Variants in TRAPPC9 observed in about 807,000 individuals in gnomAD.
The protein encoded by TRAPPC9 is IKK2 binding protein.
TRAPPC9 carries 83 observed loss-of-function variants against 124.0 expected under a neutral mutation model. The ratio of observed to expected loss-of-function variants is 0.67; its 90% CI spans 0.56 to 0.80. The LOEUF is 0.80. Among genes scored for constraint, TRAPPC9 ranks in the 30% least tolerant of loss-of-function variants. TRAPPC9 has a pLI of 0.00. For missense variants in TRAPPC9, 1,302 were observed against 1,508.3 expected (o/e 0.86, Z 2.27); for synonymous variants, 638 against 617.5 (o/e 1.03, Z -0.49).
chr8:140,165,820 C>G (rs2130914969), intron 17 of TRAPPC9, among the ~76,000 whole-genome samples: 1 of 152,254 alleles, frequency 6.6e-6, no homozygotes, highest in African/African-American at 2.4e-5. Flanking sequence ...CCACTCTATC[C>G]TGGTGCCTCT....
chr8:139,913,024 C>A (rs2131292057), intron 19 of TRAPPC9, among the ~76,000 whole-genome samples: 1 of 152,356 alleles, frequency 6.6e-6, no homozygotes, highest in African/African-American at 2.4e-5. Context: ...GTACCAGGTT[C>A]TCTTCCTGTT....
At chr8:140,288,081 C>G (rs2065542390) in intron 12 of TRAPPC9, among the ~76,000 whole-genome samples, 1 of 152,140 alleles carries the variant, frequency 6.6e-6, no homozygotes, top group African/African-American at 2.4e-5. Context: ...TGGCTCACAC[C>G]TGTAATCCCA....
chr8:139,760,433 A>G (rs543834073), intron 21 of TRAPPC9, among the ~76,000 whole-genome samples: 1 of 152,268 alleles, frequency 6.6e-6, no homozygotes, highest in South Asian at 2.1e-4. Flanking sequence ...GCACGCTCAG[A>G]ACATCATCCA....
At chr8:140,093,719 G>A (rs192762187) in intron 17 of TRAPPC9, among the ~76,000 whole-genome samples, 49 of 151,946 alleles carry the variant, frequency 3.2e-4, no homozygotes, top group African/African-American at 1.1e-3. Context: ...GTTTAAAGCT[G>A]GATAGAATTT....
intron 7 of TRAPPC9, among the ~76,000 whole-genome samples, chr8:140,389,082 C>G (rs1447237204): frequency 6.6e-6 from 1 of 151,082 alleles, no homozygotes; most frequent in Non-Finnish European, 1.5e-5. Flanking sequence ...CTCAGCCTCC[C>G]AAGTAGCTGG....
intron 1 of TRAPPC9, among the ~76,000 whole-genome samples, chr8:140,454,656 A>AC (rs1403344931): frequency 1.3e-5 from 2 of 148,820 alleles, no homozygotes; most frequent in Non-Finnish European, 3.0e-5. Flanking sequence ...AAAAAAAAAA[A>AC]AAAACACAAC....
chr8:140,443,131 C>CAAAAAAAAAAAA (rs1177286944), intron 2 of TRAPPC9, among the ~76,000 whole-genome samples: 2 of 43,990 alleles, frequency 4.5e-5, no homozygotes, highest in South Asian at 6.3e-4. Context: ...GACTCCATCT[C>CAAAAAAAAAAAA]AAAAAAAAAA....
chr8:140,456,973 T>C, intron 1 of TRAPPC9: 1 of 258,768 alleles, frequency 3.9e-6, no homozygotes, highest in Non-Finnish European at 6.0e-6. Flanking sequence ...CACAGGCCAG[T>C]AGCCTGACTT....
At chr8:139,917,094 G>C (rs2131314692) in intron 19 of TRAPPC9, among the ~76,000 whole-genome samples, 1 of 150,730 alleles carries the variant, frequency 6.6e-6, no homozygotes, top group African/African-American at 2.4e-5. Flanking sequence ...CGCCCTGAGA[G>C]AGGATCATTT....
At chr8:140,442,573 G>T (rs2071058262) in intron 2 of TRAPPC9, among the ~76,000 whole-genome samples, 1 of 149,068 alleles carries the variant, frequency 6.7e-6, no homozygotes, top group South Asian at 2.1e-4. Context: ...ACTCCAACCT[G>T]GTCGACAGAG....
chr8:140,429,913 G>A (rs914006534), intron 4 of TRAPPC9, among the ~76,000 whole-genome samples: 16 of 152,164 alleles, frequency 1.1e-4, no homozygotes, highest in South Asian at 2.1e-4. Flanking sequence ...TTGGGAGGCC[G>A]AGGTGGGCAG....
At chr8:140,037,779 A>C (rs1840996618) in intron 17 of TRAPPC9, among the ~76,000 whole-genome samples, 1 of 147,532 alleles carries the variant, frequency 6.8e-6, no homozygotes, top group African/African-American at 2.5e-5. Context: ...ACACACACAG[A>C]CATGCACACC....
intron 17 of TRAPPC9, among the ~76,000 whole-genome samples, chr8:140,056,222 A>G (rs886400646): frequency 9.2e-5 from 14 of 151,890 alleles, no homozygotes; most frequent in African/African-American, 3.2e-4. Context: ...CAGCATGGGC[A>G]ACACAGAGAG....
At chr8:139,945,543 C>CAAAAAAAAAAAAA (rs61528944) in intron 19 of TRAPPC9, among the ~76,000 whole-genome samples, 12 of 66,170 alleles carry the variant, frequency 1.8e-4, no homozygotes, top group African/African-American at 2.1e-4. Flanking sequence ...GCACAATTAG[C>CAAAAAAAAAAAAA]AAAAAAAAAA....
intron 6 of TRAPPC9, among the ~76,000 whole-genome samples, chr8:140,400,165 A>G (rs1236182415): frequency 6.6e-6 from 1 of 152,188 alleles, no homozygotes; most frequent in Non-Finnish European, 1.5e-5. Context: ...GTAAATTGCC[A>G]GTCTCCAGTA....
rs557234760 is a variant in TRAPPC9 at position 140,208,354 on chromosome 8, T to C, written c.2556+13105A>G. Among the ~76,000 whole-genome samples, 11 of 152,240 alleles carry C rather than the reference T, an allele frequency of 7.2e-5. No individual in the cohort carries two copies. The East Asian group carries it at 2.1e-3, about 29-fold the overall frequency. On this transcript the variant is annotated intron_variant, in intron 17 of 22. Transcript: ENST00000438773. ...GACAACAAAAAATGTCAAAACAAAT[T>C]GAAAAATATTTCATCTCTTAAGGTG...
chr8:139,970,780 G>A (rs1836007474), intron 19 of TRAPPC9, among the ~76,000 whole-genome samples: 1 of 152,130 alleles, frequency 6.6e-6, no homozygotes, highest in African/African-American at 2.4e-5. Context: ...CACGTGCCAG[G>A]CCTGCAATGC....
At chr8:140,183,980 GA>G (rs1449770713) in intron 17 of TRAPPC9, among the ~76,000 whole-genome samples, 20 of 127,234 alleles carry the variant, frequency 1.6e-4, no homozygotes, top group African/African-American at 4.5e-4. Context: ...GAGGAGGGAG[GA>G]GGGAGGAGGG....
At chr8:139,826,352 A>G (rs1825632403) in intron 21 of TRAPPC9, among the ~76,000 whole-genome samples, 1 of 152,224 alleles carries the variant, frequency 6.6e-6, no homozygotes, top group South Asian at 2.1e-4. Flanking sequence ...AGTGTGGGCC[A>G]GACAAGACAA....
Sources: gnomAD v4.1 joint callset for allele counts (sites outside exome capture counted in the v4.1 genomes callset) on GRCh38, gnomAD v4.1.1 for gene constraint, MANE v1.5 for transcripts, NCBI Gene and HGNC (gene_info 2026-07-23, HGNC 2026-07-21) for gene names.